YEATS4: variants seen among roughly 807,000 people sequenced by gnomAD.
YEATS4 encodes the protein YEATS domain-containing protein 4.
A neutral mutation model predicts 30.1 loss-of-function variants in YEATS4; 17 were observed. That is an observed-to-expected ratio of 0.56 (90% CI 0.39 to 0.85). YEATS4 has a LOEUF of 0.85. Among genes scored for constraint, YEATS4 ranks in the 40% least tolerant of loss-of-function variants. YEATS4 has a pLI of 0.00. For synonymous variants in YEATS4, 85 were observed against 87.5 expected (o/e 0.97, Z 0.16); for missense variants, 142 against 268.3 (o/e 0.53, Z 3.29).
chr12:69,402,072 C>T, the YEATS4 span, among the ~76,000 whole-genome samples: 2 of 152,166 alleles, frequency 1.3e-5, no homozygotes, highest in Middle Eastern at 3.4e-3. Flanking sequence ...TGTGTAAAGC[C>T]CTTGGTAAGC....
the YEATS4 span, among the ~76,000 whole-genome samples, chr12:69,396,039 T>G: frequency 3.3e-5 from 5 of 152,192 alleles, no homozygotes; most frequent in Non-Finnish European, 5.9e-5. Context: ...ACGCCTCATG[T>G]CAATCCCCAA....
chr12:69,362,907 G>T lies in YEATS4; in HGVS notation c.171G>T (p.Glu57Asp). 1 of 1,544,398 alleles carries T rather than the reference G, an allele frequency of 6.5e-7. No individual in the cohort carries two copies. The change falls in exon 2 of 7, where the codon GAG (glutamate) becomes GAT (aspartate). Residue 57 changes from glutamate to aspartate, a missense_variant and splice_region_variant. Glu to Asp is a conservative substitution (Grantham distance 45). Around this residue, in one of 3 missense-constraint regions of YEATS4, gnomAD observed 64 missense variants for 164.0 expected, o/e 0.39. Transcript: ENST00000247843. ...TATATGTGAAACCATATAGAAATGA[G>T]GTAGGCACTCGTTTTTTCTGTAACT... ...WTVYVKPYRN[E>D]DMSAYVKKIQ...
At chr12:69,410,148 A>C in the YEATS4 span, among the ~76,000 whole-genome samples, 4 of 152,228 alleles carry the variant, frequency 2.6e-5, no homozygotes, top group Non-Finnish European at 5.9e-5. Flanking sequence ...ATATAATTCA[A>C]TGGTTTTTAG....
intron 6 of YEATS4, among the ~76,000 whole-genome samples, chr12:69,382,769 A>G (rs1003268312): frequency 3.9e-5 from 6 of 152,242 alleles, no homozygotes; most frequent in Admixed American, 3.3e-4. Flanking sequence ...AGTGATAGCA[A>G]TGGGAGAAGA....
chr12:69,388,057 A>ATTTTTTT (rs1327528248), intron 6 of YEATS4, among the ~76,000 whole-genome samples: 2 of 65,932 alleles, frequency 3.0e-5, no homozygotes, highest in Non-Finnish European at 3.4e-5. Flanking sequence ...TATTTTTTTT[A>ATTTTTTT]TTTTTATTTT....
At chr12:69,385,798 A>G (rs1244414715) in intron 6 of YEATS4, among the ~76,000 whole-genome samples, 1 of 152,240 alleles carries the variant, frequency 6.6e-6, no homozygotes, top group Non-Finnish European at 1.5e-5. Flanking sequence ...GTACCTGACA[A>G]GCACTTTCCA....
chr12:69,409,905 TG>T, the YEATS4 span, among the ~76,000 whole-genome samples: 1 of 152,162 alleles, frequency 6.6e-6, no homozygotes, highest in African/African-American at 2.4e-5. Context: ...AGGAATATGA[TG>T]TGAAGACAAA....
chr12:69,412,418 G>A, the YEATS4 span, among the ~76,000 whole-genome samples: 3 of 152,082 alleles, frequency 2.0e-5, no homozygotes, highest in Non-Finnish European at 2.9e-5. Flanking sequence ...TTGGGAGGCC[G>A]AGACAGGCAG....
chr12:69,360,498 G>A (rs1234742610), intron 1 of YEATS4, among the ~76,000 whole-genome samples: 4 of 152,226 alleles, frequency 2.6e-5, no homozygotes, highest in Non-Finnish European at 5.9e-5. Context: ...ATTTGCTGGA[G>A]TTCATGGTGT....
intron 6 of YEATS4, among the ~76,000 whole-genome samples, chr12:69,376,766 A>C (rs910250872): frequency 6.6e-6 from 1 of 152,110 alleles, no homozygotes; most frequent in South Asian, 2.1e-4. Flanking sequence ...GAATAGTTTG[A>C]GTAGGGTTGG....
At chr12:69,417,154 ATT>A in the YEATS4 span, among the ~76,000 whole-genome samples, 216 of 68,134 alleles carry the variant, frequency 3.2e-3, no homozygotes, top group African/African-American at 8.9e-3. Context: ...TTTTTTAAAA[ATT>A]TTTTTTTTTT....
chr12:69,388,065 T>A (rs140160572), intron 6 of YEATS4, among the ~76,000 whole-genome samples: 34 of 18,596 alleles, frequency 1.8e-3, no homozygotes, highest in Non-Finnish European at 3.3e-3. Context: ...TTATTTTTAT[T>A]TTTTTTTTTT....
chr12:69,424,871 A>G, the YEATS4 span, among the ~76,000 whole-genome samples: 1 of 152,112 alleles, frequency 6.6e-6, no homozygotes, highest in African/African-American at 2.4e-5. Flanking sequence ...TTGCAGTATG[A>G]TAACAGACTA....
intron 1 of YEATS4, among the ~76,000 whole-genome samples, chr12:69,360,696 T>C (rs1175375531): frequency 6.6e-6 from 1 of 150,542 alleles, no homozygotes. Flanking sequence ...ACGAAGTGTC[T>C]GTCTTGTTGC....
the YEATS4 span, among the ~76,000 whole-genome samples, chr12:69,426,360 A>G: frequency 6.6e-6 from 1 of 152,138 alleles, no homozygotes; most frequent in Non-Finnish European, 1.5e-5. Context: ...GTTTGTGGAT[A>G]TGACTTCAGT....
chr12:69,416,188 A>G, the YEATS4 span, among the ~76,000 whole-genome samples: 1 of 152,270 alleles, frequency 6.6e-6, no homozygotes, highest in African/African-American at 2.4e-5. Flanking sequence ...CTCACCTGCA[A>G]ACTGCTTCAA....
chr12:69,417,448 C>A, the YEATS4 span, among the ~76,000 whole-genome samples: 6 of 152,052 alleles, frequency 3.9e-5, no homozygotes, highest in East Asian at 1.2e-3. Context: ...ATGTGAGCCA[C>A]CACACCTGGC....
At chr12:69,407,552 G>A in the YEATS4 span, among the ~76,000 whole-genome samples, 1 of 152,068 alleles carries the variant, frequency 6.6e-6, no homozygotes, top group Non-Finnish European at 1.5e-5. Flanking sequence ...AAGTCCTGCA[G>A]TGTTGTCACT....
At chr12:69,393,839 G>A (rs1320816407), downstream of YEATS4, among the ~76,000 whole-genome samples, 2 of 152,182 alleles carry the variant, frequency 1.3e-5, no homozygotes, top group Admixed American at 6.5e-5. Flanking sequence ...TCATAAAAAG[G>A]TTTTTAATAA....
Sources: allele counts gnomAD v4.1 joint callset (sites outside exome capture counted in the v4.1 genomes callset), GRCh38; gene constraint gnomAD v4.1.1; regional missense constraint gnomAD v4.1.1; transcripts MANE v1.5; gene names NCBI Gene and HGNC (gene_info 2026-07-23, HGNC 2026-07-21).